GPATCH2L: variants seen among roughly 807,000 people sequenced by gnomAD.
The protein encoded by GPATCH2L is G patch domain-containing protein 2-like.
A neutral mutation model predicts 57.4 loss-of-function variants in GPATCH2L; 31 were observed. The observed-to-expected ratio is 0.54, with a 90% CI of 0.41 to 0.73. GPATCH2L has a LOEUF of 0.73. GPATCH2L is among the 30% of genes least tolerant of loss of function. The pLI, the probability that GPATCH2L is intolerant of heterozygous loss-of-function variation, is 0.00. For synonymous variants in GPATCH2L, 199 were observed against 210.7 expected, an observed-to-expected ratio of 0.94 and a Z score of 0.48; for missense variants, 481 against 599.9, an observed-to-expected ratio of 0.80 and a Z score of 2.07.
chr14:76,167,757 G>A lies in GPATCH2L; in HGVS notation c.727+1030G>A, dbSNP rs1326365252. Among the ~76,000 whole-genome samples the A allele has an allele frequency of 2.0e-5, 3 of 152,220 alleles. No individual in the cohort carries two copies. The East Asian group carries it at 5.8e-4, about 29-fold the overall frequency. ...GTGTCATTAGAGATTATGTGTGTGTGTGTACAGGTAGGCTGTAACTAGAGT... is the reference window on the plus strand; with the variant it reads ...GTGTCATTAGAGATTATGTGTGTGTATGTACAGGTAGGCTGTAACTAGAGT... On this transcript the variant is annotated intron_variant, in intron 3 of 9. Transcript: ENST00000261530.
chr14:76,211,249 A>G lies in GPATCH2L; in HGVS notation c.*9398A>G, dbSNP rs753527072. On this transcript the variant is annotated 3_prime_UTR_variant, in exon 10 of 10. Coordinates refer to ENST00000261530, the MANE Select transcript of GPATCH2L (RefSeq NM_017926.4). ...TGAAGGGTCCTGTGTATACTGGCTT[A>G]CTTGTTGAGTTGGAGAACTATTGCC... 3.3e-5 allele frequency: 5 copies of G among 152,204 alleles called. No homozygotes were observed. The highest frequency in any genetic ancestry group is 7.3e-5 in the Non-Finnish European group (5 of 68,040). 9.4% of individuals were successfully genotyped at this position (152,204 alleles called of 1,614,324 possible).
At chr14:76,197,261 A>AATTG (rs2040182309) in intron 9 of GPATCH2L, among the ~76,000 whole-genome samples, 1 of 152,174 alleles carries the variant, frequency 6.6e-6, no homozygotes, top group Non-Finnish European at 1.5e-5. Flanking sequence ...ATCCTCATTC[A>AATTG]GTCTATGGTA....
At chr14:76,193,952 T>C (rs2040065801) in intron 8 of GPATCH2L, among the ~76,000 whole-genome samples, 1 of 152,150 alleles carries the variant, frequency 6.6e-6, no homozygotes, top group African/African-American at 2.4e-5. Flanking sequence ...TGTACTCAAG[T>C]CTTATGTTTG....
At chr14:76,155,079 G>T in intron 2 of GPATCH2L, 54 bp downstream of exon 2, 1 of 1,447,404 alleles carries the variant, frequency 6.9e-7, no homozygotes, top group Non-Finnish European at 9.4e-7. Context: ...TTCCCAAAGT[G>T]CACATCCATG....
Position 76,206,715 on chromosome 14 carries a change from G to T in GPATCH2L, c.*4864G>T, listed in dbSNP as rs754275163. The T allele has an allele frequency of 1.3e-5, 2 of 152,304 alleles. No homozygotes were observed. Among genetic ancestry groups the T allele is most frequent in the Non-Finnish European group, 2.9e-5 (2 of 68,130 alleles). 9.4% of individuals were successfully genotyped at this position (152,304 alleles called of 1,614,324 possible). ...ACCTACTGAATCCGAAACTCCCAGC[G>T]CAAGGCCCAGCAGTCTTCAACAAGC... On this transcript the variant is annotated 3_prime_UTR_variant, in exon 10 of 10. Transcript: ENST00000261530.
intron 8 of GPATCH2L, among the ~76,000 whole-genome samples, chr14:76,193,347 A>G (rs1268671501): frequency 1.3e-5 from 2 of 152,092 alleles, no homozygotes; most frequent in Non-Finnish European, 2.9e-5. Flanking sequence ...AACACGCAAA[A>G]TGGTGAAAAT....
chr14:76,181,971 C>T (rs960097479), intron 8 of GPATCH2L, among the ~76,000 whole-genome samples: 1 of 152,178 alleles, frequency 6.6e-6, no homozygotes, highest in Non-Finnish European at 1.5e-5. Flanking sequence ...AAATTTTGCA[C>T]CATAACCTAC....
rs2040394450 is a variant in GPATCH2L, at chr14:76,207,647, A to G, written c.*5796A>G. On this transcript the variant is annotated 3_prime_UTR_variant, in exon 10 of 10. Coordinates refer to ENST00000261530, the MANE Select transcript of GPATCH2L (RefSeq NM_017926.4). ...TCTCAGTACTTCAGAGCATGTAAAA[A>G]TCAATTTTCTGTGATCCCACTTAAT... The G allele has an allele frequency of 6.6e-6, 1 of 152,188 alleles. No homozygotes were observed. The highest frequency in any genetic ancestry group is 1.9e-4 in the East Asian group (1 of 5,184). The allele number at this position is 152,188 out of a possible 1,614,324, so 9.4% of individuals were successfully genotyped here.
intron 2 of GPATCH2L, among the ~76,000 whole-genome samples, chr14:76,233,743 A>C (rs2040585644): frequency 2.0e-5 from 3 of 152,252 alleles, no homozygotes; most frequent in African/African-American, 7.2e-5. Context: ...TAATGTCATC[A>C]TATACCCAGT....
chr14:76,192,852 C>T (rs1351451874), intron 8 of GPATCH2L, among the ~76,000 whole-genome samples: 1 of 152,032 alleles, frequency 6.6e-6, no homozygotes, highest in African/African-American at 2.4e-5. Context: ...CCTGTTATAA[C>T]CAGAGGAATT....
intron 1 of GPATCH2L, among the ~76,000 whole-genome samples, chr14:76,220,885 T>A (rs1225302228): frequency 6.6e-6 from 1 of 152,154 alleles, no homozygotes; most frequent in Non-Finnish European, 1.5e-5. Context: ...TATTTGGAAC[T>A]ATATGGCAAT....
intron 5 of GPATCH2L, chr14:76,176,033 C>G (rs567869766): frequency 6.6e-6 from 1 of 151,940 alleles, no homozygotes; most frequent in Non-Finnish European, 1.5e-5. Flanking sequence ...TCTTGAGAAC[C>G]CTGAATTTAG....
At chr14:76,190,184 T>A (rs544821534) in intron 8 of GPATCH2L, among the ~76,000 whole-genome samples, 1 of 152,126 alleles carries the variant, frequency 6.6e-6, no homozygotes, top group East Asian at 1.9e-4. Flanking sequence ...TAAGTAACAC[T>A]GCAGTTTTAA....
rs542461737 is a variant in GPATCH2L at position 76,165,503 on chromosome 14, A to G, written c.663-1160A>G. 2.2e-4 allele frequency among the ~76,000 whole-genome samples: 34 copies of G among 152,118 alleles called. 1 individual carries two copies. The highest frequency in any genetic ancestry group is 1.0e-3 in the South Asian group (5 of 4,826). ...GAAACTCCATCTCAAAAAAAAAAAAAAAGAAGAAATAGGGTTTGTTCCATT... is the reference window on the plus strand; with the variant it reads ...GAAACTCCATCTCAAAAAAAAAAAAGAAGAAGAAATAGGGTTTGTTCCATT... On this transcript the variant is annotated intron_variant, in intron 2 of 9. Transcript: ENST00000261530.
At chr14:76,157,802 G>A (rs2038380812) in intron 2 of GPATCH2L, among the ~76,000 whole-genome samples, 1 of 151,890 alleles carries the variant, frequency 6.6e-6, no homozygotes. Flanking sequence ...ATCAATATTT[G>A]TTTGCTTTTC....
At chr14:76,179,735 G>A (rs542011658) in intron 7 of GPATCH2L, 35 of 152,258 alleles carry the variant, frequency 2.3e-4, no homozygotes, top group Admixed American at 1.7e-3. Context: ...GTTATGTTGT[G>A]GGAAAAGTCC....
chr14:76,172,792 C>T (rs188664216), intron 4 of GPATCH2L, among the ~76,000 whole-genome samples: 6 of 152,144 alleles, frequency 3.9e-5, no homozygotes, highest in Admixed American at 6.5e-5. Flanking sequence ...AATCACACTA[C>T]GAGATGTAAA....
chr14:76,159,343 G>A (rs2038461942), intron 2 of GPATCH2L, among the ~76,000 whole-genome samples: 1 of 152,222 alleles, frequency 6.6e-6, no homozygotes, highest in Non-Finnish European at 1.5e-5. Flanking sequence ...CTTTTAGAAT[G>A]ATATTCCCTT....
intron 4 of GPATCH2L, 43 bp downstream of exon 4, chr14:76,172,062 T>C (rs765356534): frequency 4.5e-6 from 6 of 1,331,418 alleles, no homozygotes; most frequent in Non-Finnish European, 6.2e-6. Flanking sequence ...TTTATGGTTC[T>C]CCTTGGGCAG....
Sources: gnomAD v4.1 joint callset for allele counts (sites outside exome capture counted in the v4.1 genomes callset) on GRCh38, gnomAD v4.1.1 for gene constraint, MANE v1.5 for transcripts, NCBI Gene and HGNC (gene_info 2026-07-23, HGNC 2026-07-21) for gene names.